GDA: variants seen among roughly 807,000 people sequenced by gnomAD.
The protein encoded by GDA is guanine deaminase.
A neutral mutation model predicts 59.6 loss-of-function variants in GDA; 18 were observed. That is an observed-to-expected ratio of 0.30 (90% confidence interval 0.21 to 0.45). The LOEUF is 0.45. Among genes scored for constraint, GDA ranks in the 20% least tolerant of loss-of-function variants. The pLI is 1.00. For synonymous variants in GDA, 201 were observed against 201.1 expected (o/e 1.00, Z 0.00); for missense variants, 427 against 552.3 (o/e 0.77, Z 2.27).
At chr9:72,224,694 G>A (rs535082666) in intron 7 of GDA, among the ~76,000 whole-genome samples, 1 of 152,196 alleles carries the variant, frequency 6.6e-6, no homozygotes, top group African/African-American at 2.4e-5. Context: ...CAATCCTGCT[G>A]CATCCGGAGG....
chr9:72,225,667 T>A lies in GDA; in HGVS notation c.715-10T>A. ...AGAAGAAAAATGAAAATATTATTTT[T>A]TTCTTGTAGAGCCATATAAGTGAAA... On this transcript the variant is annotated splice_polypyrimidine_tract_variant and intron_variant, in intron 7 of 13. Transcript: ENST00000358399. 1 of 1,261,274 alleles carries A rather than the reference T, an allele frequency of 7.9e-7. No homozygotes were observed. Among genetic ancestry groups the A allele is most frequent in the Non-Finnish European group, 1.1e-6 (1 of 883,912 alleles). 78.1% of individuals were successfully genotyped at this position (1,261,274 alleles called of 1,614,324 possible). A position where few individuals can be genotyped will look rare whatever the true frequency, so the allele number is the denominator to read the frequency against.
At chr9:72,193,782 C>G (rs1195570223) in intron 1 of GDA, 3 of 152,232 alleles carry the variant, frequency 2.0e-5, no homozygotes, top group Admixed American at 1.3e-4. Context: ...AGGGAGCTAG[C>G]GATTAGAGTC....
chr9:72,204,059 C>T (rs1834357667), intron 3 of GDA, among the ~76,000 whole-genome samples: 1 of 152,162 alleles, frequency 6.6e-6, no homozygotes. Context: ...TCATGATCCA[C>T]CCACCTCGGC....
chr9:72,204,969 G>A lies in GDA; in HGVS notation c.384+2227G>A, dbSNP rs184673560. On this transcript the variant is annotated intron_variant, in intron 3 of 13. Transcript: ENST00000358399. ...TCTACTAAAAATACAAAAATTAGCTGGGTGTGGTGGCATGTGCCTGTAATC... is the reference window on the plus strand; with the variant it reads ...TCTACTAAAAATACAAAAATTAGCTAGGTGTGGTGGCATGTGCCTGTAATC... 6.0e-3 allele frequency among the ~76,000 whole-genome samples: 918 copies of A among 152,156 alleles called. 9 individuals are homozygous for A. The highest frequency in any genetic ancestry group is 0.02 in the African/African-American group (849 of 41,510).
At chr9:72,236,776 ATTTTTTT>A (rs201065067) in intron 10 of GDA, among the ~76,000 whole-genome samples, 2 of 101,466 alleles carry the variant, frequency 2.0e-5, no homozygotes, top group African/African-American at 7.7e-5. Context: ...AACCACTCCT[ATTTTTTT>A]TTTTTTTTTT....
chr9:72,128,089 G>A (rs867578569), intron 1 of GDA, among the ~76,000 whole-genome samples: 2 of 152,200 alleles, frequency 1.3e-5, no homozygotes, highest in Admixed American at 6.5e-5. Flanking sequence ...AGTTATCCAC[G>A]TCCTCACAGA....
At chr9:72,126,667 A>G (rs1587302145) in intron 1 of GDA, among the ~76,000 whole-genome samples, 1 of 150,232 alleles carries the variant, frequency 6.7e-6, no homozygotes, top group East Asian at 2.0e-4. Flanking sequence ...CCCGGGGTCA[A>G]GTGATTCTCC....
intron 1 of GDA, among the ~76,000 whole-genome samples, chr9:72,127,395 T>C (rs1021492542): frequency 6.6e-6 from 1 of 151,982 alleles, no homozygotes; most frequent in Admixed American, 6.6e-5. Context: ...TCCCAGCACT[T>C]TGGAAGGCGG....
At chr9:72,193,452 T>C (rs1216928161) in intron 1 of GDA, among the ~76,000 whole-genome samples, 1 of 152,236 alleles carries the variant, frequency 6.6e-6, no homozygotes, top group Non-Finnish European at 1.5e-5. Context: ...AGACTCTTGT[T>C]CTCTTCCCTT....
chr9:72,120,718 A>G (rs1240667318), intron 1 of GDA, among the ~76,000 whole-genome samples: 1 of 152,228 alleles, frequency 6.6e-6, no homozygotes, highest in Non-Finnish European at 1.5e-5. Flanking sequence ...AACATGTTTT[A>G]TAAGGCCATG....
Position 72,185,059 on chromosome 9 carries a change from C to T in GDA, c.124-10441C>T, listed in dbSNP as rs572091100. On this transcript the variant is annotated intron_variant, in intron 1 of 13. Transcript: ENST00000358399. Reference sequence around the variant, plus strand: ...ATTACATAAAATGCAAGTTTCAGTTCCTGTAAATAAACTTATATTGGAATA... The same window carrying T: ...ATTACATAAAATGCAAGTTTCAGTTTCTGTAAATAAACTTATATTGGAATA... Among the ~76,000 whole-genome samples, 10 of 152,290 alleles carry T rather than the reference C, an allele frequency of 6.6e-5. No homozygotes were observed. The South Asian group carries it at 2.1e-3, about 32-fold the overall frequency.
chr9:72,239,577 C>A (rs1229628861), intron 10 of GDA, among the ~76,000 whole-genome samples: 1 of 151,926 alleles, frequency 6.6e-6, no homozygotes, highest in East Asian at 1.9e-4. Context: ...TATTTTATAC[C>A]ACATAGTGAT....
intron 5 of GDA, among the ~76,000 whole-genome samples, chr9:72,215,812 A>G (rs575901226): frequency 6.6e-6 from 1 of 152,368 alleles, no homozygotes; most frequent in Non-Finnish European, 1.5e-5. Context: ...TACCATATGC[A>G]GATAGAATCA....
chr9:72,206,012 T>G (rs59554756), intron 3 of GDA, among the ~76,000 whole-genome samples: 2,791 of 152,292 alleles, frequency 0.018, 73 homozygotes, highest in African/African-American at 0.063. Flanking sequence ...TGCTTAAAAT[T>G]TTGAAAATTT....
rs1037766598 is a variant in GDA, at chr9:72,194,223, C to G, written c.124-1277C>G. On this transcript the variant is annotated intron_variant, in intron 1 of 13. Coordinates refer to ENST00000358399, the MANE Select transcript of GDA (RefSeq NM_004293.5). The stretch of plus-strand genomic sequence containing the variant: ...AGAAGGAGTCTTGCCCCATAGCCAC[C>G]ACAGCTTGGGTGAATGTGCTGAGTT... The G allele has an allele frequency of 5.9e-5, 9 of 152,280 alleles. 1 individual carries two copies. The highest frequency in any genetic ancestry group is 1.3e-4 in the Non-Finnish European group (9 of 68,076). 9.4% of individuals were successfully genotyped at this position (152,280 alleles called of 1,614,324 possible). A position where few individuals can be genotyped will look rare whatever the true frequency, so the allele number is the denominator to read the frequency against.
Position 72,249,392 on chromosome 9 carries a change from G to T in GDA, c.*1050G>T. Reference sequence around the variant, plus strand: ...GGACAAATCCTGTTAAAGAAATATTGTTAAAAATCTTTAAACCCTGTGTAT... The same window carrying T: ...GGACAAATCCTGTTAAAGAAATATTTTTAAAAATCTTTAAACCCTGTGTAT... On this transcript the variant is annotated 3_prime_UTR_variant, in exon 14 of 14. Transcript: ENST00000358399. 1.0e-6 allele frequency: 1 copy of T among 964,320 alleles called. No homozygotes were observed. Among genetic ancestry groups the T allele is most frequent in the Middle Eastern group, 5.3e-4 (1 of 1,870 alleles). The allele number at this position is 964,320 out of a possible 1,614,324, so 59.7% of individuals were successfully genotyped here.
At chr9:72,174,525 C>T (rs1165575076) in intron 1 of GDA, among the ~76,000 whole-genome samples, 1 of 152,074 alleles carries the variant, frequency 6.6e-6, no homozygotes, top group African/African-American at 2.4e-5. Flanking sequence ...AGCCAGGTAG[C>T]TTGGTTCTGG....
intron 12 of GDA, among the ~76,000 whole-genome samples, chr9:72,246,192 G>A (rs890690365): frequency 6.6e-6 from 1 of 152,184 alleles, no homozygotes; most frequent in Non-Finnish European, 1.5e-5. Flanking sequence ...TTGTCGCCCA[G>A]GCTGGAGTGC....
intron 11 of GDA, among the ~76,000 whole-genome samples, chr9:72,244,393 A>C (rs1030212502): frequency 5.3e-5 from 8 of 152,150 alleles, no homozygotes; most frequent in Admixed American, 2.0e-4. Flanking sequence ...TTGATATCCA[A>C]TAATCTTGGA....
Sources: gnomAD v4.1 joint callset for allele counts (sites outside exome capture counted in the v4.1 genomes callset) on GRCh38, gnomAD v4.1.1 for gene constraint, MANE v1.5 for transcripts, NCBI Gene and HGNC (gene_info 2026-07-23, HGNC 2026-07-21) for gene names.